The following NFIB variants were observed in gnomAD, a reference collection of about 807,000 sequenced individuals.
NFIB encodes the protein nuclear factor I B.
NFIB carries 11 observed loss-of-function variants against 61.5 expected under a neutral mutation model. The ratio of observed to expected loss-of-function variants is 0.18; its 90% CI spans 0.11 to 0.30. NFIB has a LOEUF of 0.30. Among genes scored for constraint, NFIB ranks in the 10% least tolerant of loss-of-function variants. The pLI is 1.00. For synonymous variants in NFIB, 260 were observed against 216.5 expected (o/e 1.20, Z -1.76); for missense variants, 471 against 608.9 (o/e 0.77, Z 2.38).
chr9:14,253,895 C>A (rs1007894301), intron 2 of NFIB, among the ~76,000 whole-genome samples: 5 of 152,130 alleles, frequency 3.3e-5, no homozygotes, highest in African/African-American at 1.2e-4. Flanking sequence ...TCCAGCTACA[C>A]TGGATAACTT....
At chr9:14,326,878 T>G (rs922169572) in intron 1 of NFIB, among the ~76,000 whole-genome samples, 1 of 152,092 alleles carries the variant, frequency 6.6e-6, no homozygotes, top group Non-Finnish European at 1.5e-5. Flanking sequence ...TTTTAAGACT[T>G]ATAAAAATAC....
chr9:14,237,763 AGTGTGTGTGTGTGTGT>A (rs71321971), intron 2 of NFIB, among the ~76,000 whole-genome samples: 3,027 of 85,154 alleles, frequency 0.036, 73 homozygotes, highest in African/African-American at 0.07. Context: ...TAGGTATAAC[AGTGTGTGTGTGTGTGT>A]GTGTGTGTGT....
chr9:14,187,027 A>ATATGTGTGTGTGTGTGTGTG (rs1491093222), intron 2 of NFIB, among the ~76,000 whole-genome samples: 1 of 60,964 alleles, frequency 1.6e-5, no homozygotes, highest in African/African-American at 3.7e-5. Flanking sequence ...GTGTGTGTGT[A>ATATGTGTGTGTGTGTGTGTG]TGTGTGTGTG....
At chr9:14,366,735 C>T (rs1011246839) in intron 1 of NFIB, among the ~76,000 whole-genome samples, 6 of 152,098 alleles carry the variant, frequency 3.9e-5, no homozygotes, top group South Asian at 2.1e-4. Context: ...GTGCCTGCCT[C>T]GGCCTCCCAA....
rs183821876 is a variant in NFIB, at chr9:14,390,764, T to C, written c.108+7760A>G. Among the ~76,000 whole-genome samples, 313 of 152,350 alleles carry C rather than the reference T, an allele frequency of 2.1e-3. 1 individual carries two copies. The highest frequency in any genetic ancestry group is 7.0e-3 in the African/African-American group (289 of 41,576). On this transcript the variant is annotated intron_variant, in intron 1 of 8. Transcript: ENST00000380934. Reference sequence around the variant, plus strand: ...AACACAGTGAGAAGATGGCCATCTATGAACCAAGAAGTGGGCCCCCACCAC... The same window carrying C: ...AACACAGTGAGAAGATGGCCATCTACGAACCAAGAAGTGGGCCCCCACCAC...
intron 10 of NFIB, among the ~76,000 whole-genome samples, chr9:14,096,095 A>T (rs1010811521): frequency 2.0e-5 from 3 of 152,196 alleles, no homozygotes; most frequent in Non-Finnish European, 4.4e-5. Flanking sequence ...AGCAAAAATG[A>T]GAACCAAAAA....
chr9:14,397,091 T>TTCTC (rs908745664), intron 1 of NFIB, among the ~76,000 whole-genome samples: 1 of 152,130 alleles, frequency 6.6e-6, no homozygotes, highest in Non-Finnish European at 1.5e-5. Flanking sequence ...TTATGTCCAA[T>TTCTC]TCTCTCTCTC....
At chr9:14,401,844 G>A (rs1660516856), upstream of NFIB, among the ~76,000 whole-genome samples, 1 of 151,678 alleles carries the variant, frequency 6.6e-6, no homozygotes, top group Admixed American at 6.6e-5. Context: ...AATCCCTAAT[G>A]TGCTTCATTT....
chr9:14,414,431 C>CAAAAAAAA, the NFIB span, among the ~76,000 whole-genome samples: 1 of 56,656 alleles, frequency 1.8e-5, no homozygotes, highest in Admixed American at 1.8e-4. Context: ...GAGACTGTCT[C>CAAAAAAAA]AAAAAAAAAA....
At chr9:14,199,190 G>C (rs2048755162) in intron 2 of NFIB, among the ~76,000 whole-genome samples, 1 of 152,214 alleles carries the variant, frequency 6.6e-6, no homozygotes, top group Admixed American at 6.5e-5. Context: ...GGTGACTTGA[G>C]GTTACTTGAC....
At chr9:14,366,772 C>T (rs1187994928) in intron 1 of NFIB, among the ~76,000 whole-genome samples, 1 of 152,202 alleles carries the variant, frequency 6.6e-6, no homozygotes, top group African/African-American at 2.4e-5. Flanking sequence ...GCATGAGCCA[C>T]CGTGCCTGGA....
rs73645006 is a variant in NFIB at position 14,183,406 on chromosome 9, T to A, written c.563-3626A>T. Among the ~76,000 whole-genome samples the A allele has an allele frequency of 1.8e-3, 220 of 124,790 alleles. 1 individual carries two copies. The highest frequency in any genetic ancestry group is 5.5e-3 in the African/African-American group (146 of 26,728). The allele number at this position is 124,790 out of a possible 152,430, so 81.9% of individuals were successfully genotyped here. ...TGGGTCTGGTGTCTGGGAAAAAAAA[T>A]TTTTTTTTTTTTTTTGAGACAGAGT... On this transcript the variant is annotated intron_variant, in intron 2 of 10. Transcript: ENST00000380953.
intron 3 of NFIB, among the ~76,000 whole-genome samples, chr9:14,178,069 G>A (rs1018943121): frequency 3.9e-5 from 6 of 152,036 alleles, no homozygotes; most frequent in Non-Finnish European, 7.4e-5. Context: ...AAACATATCC[G>A]TTGTTTAGTC....
At chr9:14,180,369 A>C (rs1022953561) in intron 2 of NFIB, among the ~76,000 whole-genome samples, 2 of 152,192 alleles carry the variant, frequency 1.3e-5, no homozygotes, top group African/African-American at 4.8e-5. Context: ...ACTAGGTAGA[A>C]ACCAACATGG....
intron 2 of NFIB, among the ~76,000 whole-genome samples, chr9:14,298,825 G>A (rs927522): frequency 0.99 from 150,965 of 152,346 alleles, 74,809 homozygotes; most frequent in Middle Eastern, 1. Flanking sequence ...TAGCCAGGGC[G>A]TAAGTTACAG....
intron 1 of NFIB, among the ~76,000 whole-genome samples, chr9:14,385,937 G>T (rs1386586890): frequency 6.6e-6 from 1 of 151,802 alleles, no homozygotes; most frequent in Non-Finnish European, 1.5e-5. Flanking sequence ...CATGTTCCAC[G>T]GCACCCAGCT....
At chr9:14,492,642 A>G in the NFIB span, among the ~76,000 whole-genome samples, 4 of 152,116 alleles carry the variant, frequency 2.6e-5, no homozygotes, top group South Asian at 2.1e-4. Flanking sequence ...TATCAGGAGA[A>G]TATCACCAAA....
Position 14,082,247 on chromosome 9 carries a change from T to G in NFIB, c.*6062A>C, listed in dbSNP as rs1327332614. On this transcript the variant is annotated 3_prime_UTR_variant, in exon 11 of 11. Transcript: ENST00000380953. Reference sequence around the variant, plus strand: ...TTAATTAAAATACAAGGTTCTGTATTTATGGCCCATGAGGACAAAATGCCA... The same window carrying G: ...TTAATTAAAATACAAGGTTCTGTATGTATGGCCCATGAGGACAAAATGCCA... 1 of 204,326 alleles carries G rather than the reference T, an allele frequency of 4.9e-6. No individual in the cohort carries two copies. Among genetic ancestry groups the G allele is most frequent in the African/African-American group, 2.3e-5 (1 of 43,692 alleles). The allele number at this position is 204,326 out of a possible 1,614,324, so 12.7% of individuals were successfully genotyped here. A position where few individuals can be genotyped will look rare whatever the true frequency, so the allele number is the denominator to read the frequency against.
chr9:14,113,136 A>ACCCTGT, intron 9 of NFIB, 55 bp from the exon 10 acceptor site: 1 of 1,483,906 alleles, frequency 6.7e-7, no homozygotes, highest in East Asian at 2.5e-5. Flanking sequence ...CAGAACGAAC[A>ACCCTGT]CCCTGTCCAT....
Sources: allele counts gnomAD v4.1 joint callset (sites outside exome capture counted in the v4.1 genomes callset), GRCh38; gene constraint gnomAD v4.1.1; transcripts MANE v1.5; gene names NCBI Gene and HGNC (gene_info 2026-07-23, HGNC 2026-07-21).